Variants in TNKS observed in about 807,000 individuals in gnomAD.
TNKS encodes tankyrase, also known as poly [ADP-ribose] polymerase tankyrase-1.
A neutral mutation model predicts 135.8 loss-of-function variants in TNKS; 72 were observed. The observed-to-expected ratio is 0.53, with a 90% CI of 0.44 to 0.64. The LOEUF (loss-of-function observed/expected upper bound fraction) is 0.64, where lower values mean the gene tolerates loss of function less well. Among genes scored for constraint, TNKS ranks in the 30% least tolerant of loss-of-function variants. TNKS has a pLI of 0.00. For synonymous variants in TNKS, 849 were observed against 649.3 expected (o/e 1.31, Z -4.68); for missense variants, 1,769 against 1,674.0 (o/e 1.06, Z -0.99).
rs542247972 is a variant in TNKS, at chr8:9,711,044, A to T, written c.1749+824A>T. On this transcript the variant is annotated intron_variant, in intron 11 of 26. Coordinates refer to ENST00000310430, the MANE Select transcript of TNKS (RefSeq NM_003747.3). ...AGCACTTAAGAGAGGAAAGAAGCAA[A>T]CTGGTTGTTTTTTAGAGGTGACTTG... Among the ~76,000 whole-genome samples, 7 of 152,260 alleles carry T rather than the reference A, an allele frequency of 4.6e-5. No homozygotes were observed. The South Asian group carries it at 1.5e-3, about 32-fold the overall frequency.
chr8:9,702,717 A>G (rs1023982126), intron 5 of TNKS, among the ~76,000 whole-genome samples: 8 of 151,518 alleles, frequency 5.3e-5, no homozygotes, highest in Admixed American at 2.6e-4. Context: ...CTATTTTTAC[A>G]TGGCATTTTA....
chr8:9,741,825 T>A (rs1805977016), intron 17 of TNKS: 2 of 392,228 alleles, frequency 5.1e-6, no homozygotes, highest in African/African-American at 2.0e-5. Context: ...TGAAGAGAGG[T>A]GTAATGCAAT....
intron 5 of TNKS, among the ~76,000 whole-genome samples, chr8:9,697,244 C>A (rs1017682416): frequency 2.6e-5 from 4 of 152,046 alleles, no homozygotes; most frequent in African/African-American, 9.7e-5. Flanking sequence ...AGTTGGCTAG[C>A]CATATGCAGA....
intron 1 of TNKS, among the ~76,000 whole-genome samples, chr8:9,567,658 C>G (rs1797599327): frequency 6.6e-6 from 1 of 152,242 alleles, no homozygotes; most frequent in African/African-American, 2.4e-5. Context: ...ATCTTGTGAT[C>G]TGCCCGCCTT....
intron 3 of TNKS, among the ~76,000 whole-genome samples, chr8:9,657,580 G>C: frequency 1.2e-5 from 1 of 86,416 alleles, no homozygotes; most frequent in African/African-American, 4.6e-5. Flanking sequence ...CTCCCAGACG[G>C]GGCGGCTGGC....
intron 26 of TNKS, among the ~76,000 whole-genome samples, chr8:9,771,279 G>C (rs1466268150): frequency 7.1e-6 from 1 of 139,892 alleles, no homozygotes; most frequent in Non-Finnish European, 1.6e-5. Flanking sequence ...GGAAGAGAGA[G>C]CGAGGAAGGG....
At chr8:9,681,551 TA>T (rs998670711) in intron 5 of TNKS, among the ~76,000 whole-genome samples, 1 of 152,090 alleles carries the variant, frequency 6.6e-6, no homozygotes, top group African/African-American at 2.4e-5. Flanking sequence ...GGTTTTTTTT[TA>T]AATGAGAGTT....
intron 2 of TNKS, among the ~76,000 whole-genome samples, chr8:9,613,884 A>C (rs1799548212): frequency 6.6e-6 from 1 of 152,304 alleles, no homozygotes; most frequent in Non-Finnish European, 1.5e-5. Flanking sequence ...AAACTACAAA[A>C]TGAAAGCTCC....
chr8:9,710,740 C>T (rs905749027), intron 11 of TNKS, among the ~76,000 whole-genome samples: 2 of 151,984 alleles, frequency 1.3e-5, no homozygotes, highest in Admixed American at 6.6e-5. Context: ...ACTAAAAATA[C>T]AAAAAATTAG....
At chr8:9,574,466 T>G (rs183402971) in intron 1 of TNKS, among the ~76,000 whole-genome samples, 78 of 152,326 alleles carry the variant, frequency 5.1e-4, no homozygotes, top group African/African-American at 1.6e-3. Context: ...TACTGCAGAA[T>G]TTTCTTGACT....
Position 9,708,371 on chromosome 8 carries a change from A to G in TNKS, c.1457A>G (p.Tyr486Cys), listed in dbSNP as rs1585356458. Reference protein sequence around the residue: ...PTPELRERLTYEFKGHSLLQA... With the variant: ...PTPELRERLTCEFKGHSLLQA... ...ATGTCAACCATTGTTTCATTGACAGATGAATTTAAAGGTCATTCTTTACTA... is the reference window on the plus strand; with the variant it reads ...ATGTCAACCATTGTTTCATTGACAGGTGAATTTAAAGGTCATTCTTTACTA... Residue 486 changes from tyrosine (Y) to cysteine (C), a missense_variant and splice_region_variant, in exon 9 of 27, where the codon TAT becomes TGT. By Grantham distance (194) the Tyr-to-Cys change is radical. Coordinates refer to ENST00000310430, the MANE Select transcript of TNKS (RefSeq NM_003747.3). 8 of 1,583,636 alleles carry G rather than the reference A, an allele frequency of 5.1e-6. No homozygotes were observed. The highest frequency in any genetic ancestry group is 2.3e-5 in the East Asian group (1 of 44,112).
chr8:9,591,298 GTT>G (rs546492437), intron 2 of TNKS, among the ~76,000 whole-genome samples: 9 of 152,170 alleles, frequency 5.9e-5, no homozygotes, highest in Admixed American at 5.2e-4. Flanking sequence ...CATATCGTTA[GTT>G]TTTTTGTTGT....
chr8:9,652,673 C>G (rs1563143368), intron 3 of TNKS, among the ~76,000 whole-genome samples: 6 of 152,152 alleles, frequency 3.9e-5, no homozygotes. Flanking sequence ...CCTGGTGATT[C>G]ACAGAGAGAA....
At chr8:9,769,780 C>A (rs561666487) in intron 25 of TNKS, among the ~76,000 whole-genome samples, 5 of 151,952 alleles carry the variant, frequency 3.3e-5, no homozygotes, top group South Asian at 2.1e-4. Flanking sequence ...CCACCACACC[C>A]GGCTAACTTT....
At chr8:9,609,430 C>G (rs1290985908) in intron 2 of TNKS, among the ~76,000 whole-genome samples, 2 of 152,220 alleles carry the variant, frequency 1.3e-5, no homozygotes, top group Non-Finnish European at 2.9e-5. Context: ...TATCCTCATC[C>G]TGAGGTATCA....
In TNKS at chr8:9,571,411, G is replaced by A. The variant is rs554849463; in HGVS notation, c.674-8748G>A. The stretch of plus-strand genomic sequence containing the variant: ...ATATACTGTGTTTGTTTTGAGGGAT[G>A]ATCTGCTTATCTTCATGATTTCTGG... On this transcript the variant is annotated intron_variant, in intron 1 of 26. Transcript: ENST00000310430. Among the ~76,000 whole-genome samples the A allele has an allele frequency of 6.6e-5, 10 of 152,272 alleles. No individual in the cohort carries two copies. In the South Asian group the frequency reaches 1.9e-3, roughly 28 times the overall value.
chr8:9,660,495 T>G (rs1226153649), intron 3 of TNKS, among the ~76,000 whole-genome samples: 1 of 152,206 alleles, frequency 6.6e-6, no homozygotes, highest in African/African-American at 2.4e-5. Context: ...ACCACATGAT[T>G]ATCTCAATAG....
Position 9,575,049 on chromosome 8 carries a change from T to G in TNKS, c.674-5110T>G, listed in dbSNP as rs575119467. 9 of 985,298 alleles carry G rather than the reference T, an allele frequency of 9.1e-6. No homozygotes were observed. In the South Asian group the frequency reaches 2.8e-4, roughly 31 times the overall value. The allele number at this position is 985,298 out of a possible 1,614,324, so 61.0% of individuals were successfully genotyped here. A position where few individuals can be genotyped will look rare whatever the true frequency, so the allele number is the denominator to read the frequency against. ...GCTATGTGTGCCTGGATTGCCTTTG[T>G]CTTGACAAATTGTGTGAGACAAGTG... On this transcript the variant is annotated intron_variant, in intron 1 of 26. Transcript: ENST00000310430.
At chr8:9,653,260 C>G (rs1801210196) in intron 3 of TNKS, among the ~76,000 whole-genome samples, 1 of 152,088 alleles carries the variant, frequency 6.6e-6, no homozygotes, top group South Asian at 2.1e-4. Context: ...CCACATCAAG[C>G]AAAGATAGGT....
Sources: allele counts gnomAD v4.1 joint callset (sites outside exome capture counted in the v4.1 genomes callset), GRCh38; gene constraint gnomAD v4.1.1; transcripts MANE v1.5; gene names NCBI Gene and HGNC (gene_info 2026-07-23, HGNC 2026-07-21).